The following KCNB2 variants were observed in gnomAD, a reference collection of about 807,000 sequenced individuals.
The protein encoded by KCNB2 is potassium voltage-gated channel subfamily B member 2.
KCNB2 carries 15 observed loss-of-function variants against 61.5 expected under a neutral mutation model. The observed-to-expected ratio is 0.24, with a 90% CI of 0.16 to 0.38. The LOEUF (loss-of-function observed/expected upper bound fraction) is 0.38. KCNB2 is among the 10% of genes least tolerant of loss of function. The pLI is 1.00. For missense variants in KCNB2, 828 were observed against 1,125.2 expected, an observed-to-expected ratio of 0.74 and a Z score of 3.78; for synonymous variants, 457 against 446.0, an observed-to-expected ratio of 1.02 and a Z score of -0.31.
intron 2 of KCNB2, among the ~76,000 whole-genome samples, chr8:72,775,571 C>T (rs919406123): frequency 2.6e-5 from 4 of 152,090 alleles, no homozygotes; most frequent in Admixed American, 6.6e-5. Context: ...AACACAGATG[C>T]GTGACTTGAC....
In KCNB2 at chr8:72,537,292, C is replaced by A. The variant is rs552364879; in HGVS notation, c.-687C>A. On this transcript the variant is annotated 5_prime_UTR_variant, in exon 1 of 3. Coordinates refer to ENST00000523207, the MANE Select transcript of KCNB2 (RefSeq NM_004770.3). ...GGAGCGGCGCCCCAGAGCGCCCCGC[C>A]TAGCCTCCCGCGCGCAGCCTCTACC... The A allele has an allele frequency of 1.3e-5, 2 of 152,230 alleles. No individual in the cohort carries two copies. The highest frequency in any genetic ancestry group is 3.7e-4 in the South Asian group (2 of 5,412). 9.4% of individuals were successfully genotyped at this position (152,230 alleles called of 1,614,324 possible).
intron 2 of KCNB2, among the ~76,000 whole-genome samples, chr8:72,590,573 T>C (rs1180319839): frequency 6.6e-6 from 1 of 152,202 alleles, no homozygotes; most frequent in Non-Finnish European, 1.5e-5. Flanking sequence ...CATATGAGTA[T>C]AGCAAGGACT....
intron 2 of KCNB2, among the ~76,000 whole-genome samples, chr8:72,779,190 C>T (rs752832390): frequency 2.0e-5 from 3 of 152,188 alleles, no homozygotes; most frequent in Non-Finnish European, 4.4e-5. Flanking sequence ...GAAGAGAAAG[C>T]TGGACTGCAT....
intron 2 of KCNB2, among the ~76,000 whole-genome samples, chr8:72,656,476 A>G (rs529269344): frequency 7.9e-5 from 12 of 152,306 alleles, no homozygotes; most frequent in African/African-American, 2.9e-4. Flanking sequence ...AATGGCACAC[A>G]AAAGCCAGGA....
chr8:72,579,471 C>T (rs1001527889), intron 2 of KCNB2, among the ~76,000 whole-genome samples: 2 of 152,140 alleles, frequency 1.3e-5, no homozygotes, highest in African/African-American at 2.4e-5. Flanking sequence ...GAGGCTAAGA[C>T]AAGTAGAATT....
At chr8:72,929,797 T>A (rs1052182541) in intron 2 of KCNB2, among the ~76,000 whole-genome samples, 11 of 152,162 alleles carry the variant, frequency 7.2e-5, no homozygotes, top group Non-Finnish European at 7.4e-5. Flanking sequence ...TTGTTTTTTT[T>A]ATTTCTTTTT....
intron 2 of KCNB2, among the ~76,000 whole-genome samples, chr8:72,887,768 T>C (rs17189963): frequency 0.1 from 15,711 of 152,258 alleles, 1,001 homozygotes; most frequent in South Asian, 0.24. Context: ...CCCAACCTTG[T>C]CCCAACTCTT....
chr8:72,735,076 A>G (rs1807817887), intron 2 of KCNB2, among the ~76,000 whole-genome samples: 1 of 152,132 alleles, frequency 6.6e-6, no homozygotes. Context: ...CCTTGTCACA[A>G]TCTTCCTGTG....
At chr8:72,830,221 A>G (rs58562235) in intron 2 of KCNB2, among the ~76,000 whole-genome samples, 4,061 of 61,612 alleles carry the variant, frequency 0.066, 213 homozygotes, top group African/African-American at 0.23. Context: ...ATGTCTTCAT[A>G]TTTTCCAAAA....
chr8:72,823,381 C>T (rs1380522433), intron 2 of KCNB2, among the ~76,000 whole-genome samples: 1 of 152,116 alleles, frequency 6.6e-6, no homozygotes, highest in Admixed American at 6.5e-5. Flanking sequence ...CCTGGGGAAG[C>T]AGGTTATCAA....
chr8:72,799,354 G>A (rs564147696), intron 2 of KCNB2, among the ~76,000 whole-genome samples: 13 of 151,934 alleles, frequency 8.6e-5, no homozygotes, highest in East Asian at 1.9e-4. Context: ...CAATAAATAC[G>A]CATTAAGGAC....
In KCNB2 at chr8:72,937,490, C is replaced by T. The variant is rs777830500; in HGVS notation, c.2135C>T (p.Ser712Phe). Residue 712 changes from serine to phenylalanine, a missense_variant, in exon 3 of 3, where the codon TCC becomes TTC. Physicochemically the swap from Ser to Phe is radical, Grantham distance 155 (BLOSUM62 -2). Transcript: ENST00000523207. ...CTAAAAGGCAGCAACCCACTAAAGT[C>T]CAGATCCCTCAAAGTGAACTTTAAG... is the stretch of plus-strand genomic sequence containing the variant. ...SSLKGSNPLK[S>F]RSLKVNFKEN... is the part of the protein sequence containing the mutation. 1 of 1,613,926 alleles carries T rather than the reference C, an allele frequency of 6.2e-7. No homozygotes were observed. The highest frequency in any genetic ancestry group is 1.7e-5 in the Admixed American group (1 of 59,990).
chr8:72,832,632 A>G (rs1300382442), intron 2 of KCNB2, among the ~76,000 whole-genome samples: 1 of 152,216 alleles, frequency 6.6e-6, no homozygotes, highest in Non-Finnish European at 1.5e-5. Context: ...CCCGCTTCCA[A>G]GCTATCAAGT....
At chr8:72,891,786 G>A (rs1805900393) in intron 2 of KCNB2, among the ~76,000 whole-genome samples, 1 of 152,138 alleles carries the variant, frequency 6.6e-6, no homozygotes, top group East Asian at 1.9e-4. Context: ...GGATGCTTTG[G>A]CCAAAAGTAC....
intron 2 of KCNB2, among the ~76,000 whole-genome samples, chr8:72,752,033 T>C (rs1468523642): frequency 6.6e-6 from 1 of 152,174 alleles, no homozygotes; most frequent in Admixed American, 6.6e-5. Context: ...ATTCAAATGA[T>C]TGGGTAGCCC....
chr8:72,668,243 T>C (rs1583820), intron 2 of KCNB2, among the ~76,000 whole-genome samples: 14,555 of 152,170 alleles, frequency 0.096, 1,325 homozygotes, highest in East Asian at 0.51. Context: ...AAGGTTTTTA[T>C]TGGGGATCAG....
intron 2 of KCNB2, among the ~76,000 whole-genome samples, chr8:72,583,982 C>T (rs1242863126): frequency 6.9e-6 from 1 of 145,762 alleles, no homozygotes; most frequent in Non-Finnish European, 1.5e-5. Context: ...AAACCCAAAC[C>T]CAAAACCAAA....
chr8:72,810,650 G>T (rs1809292697), intron 2 of KCNB2, among the ~76,000 whole-genome samples: 1 of 152,228 alleles, frequency 6.6e-6, no homozygotes, highest in African/African-American at 2.4e-5. Context: ...GAGGAGGACA[G>T]ACTTATGTCC....
intron 1 of KCNB2, among the ~76,000 whole-genome samples, chr8:72,543,237 TAAG>T (rs1806214616): frequency 6.6e-6 from 1 of 152,074 alleles, no homozygotes; most frequent in African/African-American, 2.4e-5. Context: ...AAAGAGTAAA[TAAG>T]AAGAAAGCAA....
Sources: gnomAD v4.1 joint callset for allele counts (sites outside exome capture counted in the v4.1 genomes callset) on GRCh38, gnomAD v4.1.1 for gene constraint, MANE v1.5 for transcripts, NCBI Gene and HGNC (gene_info 2026-07-23, HGNC 2026-07-21) for gene names.